Variants in DEAF1 observed in about 807,000 individuals in gnomAD.
DEAF1 encodes the protein DEAF1 transcription factor.
In DEAF1, 53 loss-of-function variants were observed where a neutral mutation model predicts 58.9. The ratio of observed to expected loss-of-function variants is 0.90; its 90% CI spans 0.72 to 1.13. DEAF1 has a LOEUF of 1.13. Ranked by LOEUF, DEAF1 falls within the 50% of genes most tolerant of loss-of-function variation. The pLI is 0.00. For synonymous variants in DEAF1, 385 were observed against 340.4 expected (o/e 1.13, Z -1.44); for missense variants, 685 against 791.4 (o/e 0.87, Z 1.61).
At chr11:702,602 G>A (rs948169730) in intron 1 of DEAF1, among the ~76,000 whole-genome samples, 2 of 152,252 alleles carry the variant, frequency 1.3e-5, no homozygotes, top group Non-Finnish European at 2.9e-5. Context: ...AATCCCTTCA[G>A]TTCCACTTGG....
At chr11:680,181 G>A in intron 7 of DEAF1, 1 of 331,162 alleles carries the variant, frequency 3.0e-6, no homozygotes, top group South Asian at 2.6e-5. Context: ...GTAAAAAGCA[G>A]CCGTGTCCCA....
intron 10 of DEAF1, among the ~76,000 whole-genome samples, chr11:663,529 G>A (rs1859403904): frequency 6.6e-6 from 1 of 152,098 alleles, no homozygotes; most frequent in African/African-American, 2.4e-5. Flanking sequence ...CCTCTGGTGT[G>A]AATACCAGGC....
At chr11:662,763 C>A (rs987741009) in intron 10 of DEAF1, among the ~76,000 whole-genome samples, 1 of 152,210 alleles carries the variant, frequency 6.6e-6, no homozygotes, top group South Asian at 2.1e-4. Context: ...CATGATGGCA[C>A]CACAATGGTC....
chr11:684,888 G>A lies in DEAF1; in HGVS notation c.870+10C>T. ...CAAGTCATCCTGTTCCAGACACGCT[G>A]GCCACTTACTAAGGTCATGTCGTCG... is the stretch of plus-strand genomic sequence containing the variant. On this transcript the variant is annotated intron_variant, in intron 6 of 11. Coordinates refer to ENST00000382409, the MANE Select transcript of DEAF1 (RefSeq NM_021008.4). 6.4e-7 allele frequency: 1 copy of A among 1,551,286 alleles called. No homozygotes were observed. Among genetic ancestry groups the A allele is most frequent in the Non-Finnish European group, 8.7e-7 (1 of 1,146,794 alleles).
rs990462670 is a variant in DEAF1, at chr11:680,974, G to A, written c.986C>T (p.Ala329Val). The change falls in exon 7 of 12, where the codon GCG becomes GTG. Residue 329 changes from alanine to valine, a missense_variant. Physicochemically the swap from Ala to Val is moderately conservative, Grantham distance 64. Around this residue, in one of 3 missense-constraint regions of DEAF1, gnomAD observed 343 missense variants for 379.8 expected, o/e 0.90. Transcript: ENST00000382409. ...TTTCTCAAACTCACAGGTGGTAGCCGCGGTGGCTGGAAGCAATGTGATGTT... is the reference window on the plus strand; with the variant it reads ...TTTCTCAAACTCACAGGTGGTAGCCACGGTGGCTGGAAGCAATGTGATGTT... Reference protein sequence around the residue: ...PKNITLLPATAATTFTVTPSG... With the variant: ...PKNITLLPATVATTFTVTPSG... 1.2e-5 allele frequency: 19 copies of A among 1,614,030 alleles called. No individual in the cohort carries two copies. The highest frequency in any genetic ancestry group is 2.2e-5 in the South Asian group (2 of 91,078).
intron 10 of DEAF1, among the ~76,000 whole-genome samples, chr11:670,419 T>TA (rs1302923025): frequency 1.8e-5 from 2 of 110,066 alleles, no homozygotes; most frequent in Non-Finnish European, 3.8e-5. Flanking sequence ...TTTTTTTTTT[T>TA]AAAGTATTTT....
At chr11:665,495 G>C (rs1859486230) in intron 10 of DEAF1, among the ~76,000 whole-genome samples, 1 of 152,250 alleles carries the variant, frequency 6.6e-6, no homozygotes, top group Admixed American at 6.5e-5. Flanking sequence ...TGCAACAGCT[G>C]CTTCCAGCTG....
intron 6 of DEAF1, among the ~76,000 whole-genome samples, chr11:684,267 A>C (rs1257382441): frequency 1.3e-5 from 2 of 152,248 alleles, no homozygotes; most frequent in South Asian, 2.1e-4. Flanking sequence ...AAAATACAAA[A>C]ATTAGCTGGG....
rs79050882 is a variant in DEAF1 at position 656,174 on chromosome 11, G to A, written c.1504-2123C>T. 1.1e-3 allele frequency among the ~76,000 whole-genome samples: 114 copies of A among 103,928 alleles called. 1 individual carries two copies. Among genetic ancestry groups the A allele is most frequent in the South Asian group, 8.2e-4 (3 of 3,672 alleles). 68.2% of individuals were successfully genotyped at this position (103,928 alleles called of 152,430 possible). A position where few individuals can be genotyped will look rare whatever the true frequency, so the allele number is the denominator to read the frequency against. On this transcript the variant is annotated intron_variant, in intron 10 of 11. Transcript: ENST00000382409. ...AATGACAAACTTTTTTTTTTTTTTT[G>A]AGATGGAGTCTCGCTCTGTCGCCCA...
intron 10 of DEAF1, among the ~76,000 whole-genome samples, chr11:654,298 C>A (rs1342730458): frequency 6.7e-6 from 1 of 150,204 alleles, no homozygotes; most frequent in African/African-American, 2.5e-5. Context: ...CCTCCTGAGT[C>A]TGGGATGATA....
chr11:691,820 C>T (rs187400108), intron 1 of DEAF1, among the ~76,000 whole-genome samples: 1 of 152,310 alleles, frequency 6.6e-6, no homozygotes, highest in Admixed American at 6.5e-5. Flanking sequence ...TATTCTTCCC[C>T]AGTAAAGCCT....
In DEAF1 at chr11:645,199, T is replaced by A. The variant is rs959932201; in HGVS notation, c.1594-545A>T. Among the ~76,000 whole-genome samples, 6 of 146,498 alleles carry A rather than the reference T, an allele frequency of 4.1e-5. No homozygotes were observed. In the South Asian group the frequency reaches 1.1e-3, roughly 27 times the overall value. ...AAAAAAGTCAAACAACAAACCAGGGTAAGACTCTCCAAACCAGTTGTTTTG... is the reference window on the plus strand; with the variant it reads ...AAAAAAGTCAAACAACAAACCAGGGAAAGACTCTCCAAACCAGTTGTTTTG... On this transcript the variant is annotated intron_variant, in intron 11 of 11. Transcript: ENST00000382409.
Position 644,251 on chromosome 11 carries a change from T to C in DEAF1, c.*299A>G, listed in dbSNP as rs1264702501. 5 of 493,872 alleles carry C rather than the reference T, an allele frequency of 1.0e-5. No homozygotes were observed. Among genetic ancestry groups the C allele is most frequent in the African/African-American group, 3.9e-5 (2 of 51,388 alleles). The allele number at this position is 493,872 out of a possible 1,614,324, so 30.6% of individuals were successfully genotyped here. On this transcript the variant is annotated 3_prime_UTR_variant, in exon 12 of 12. Coordinates refer to ENST00000382409, the MANE Select transcript of DEAF1 (RefSeq NM_021008.4). The surrounding 1 kb of genome is among the most constrained non-coding windows in gnomAD (Gnocchi z 4.3). ...GCAGGGAGACCTTATTTACACTTTA[T>C]TGACAGACACAACACGTATGTATGT... is the stretch of plus-strand genomic sequence containing the variant.
chr11:687,877 A>C (rs760463371), intron 4 of DEAF1, 34 bp downstream of exon 4: 1 of 1,613,666 alleles, frequency 6.2e-7, no homozygotes, highest in African/African-American at 1.3e-5. Flanking sequence ...ACAAAGGGGA[A>C]TACAACTTTG....
At chr11:707,061 C>T (rs1187517897) in exon 1 of DEAF1, among the ~76,000 whole-genome samples, 20 of 152,090 alleles carry the variant, frequency 1.3e-4, no homozygotes, top group African/African-American at 4.8e-4. Context: ...CCACCCCGTG[C>T]TCAGTCCTGG....
intron 1 of DEAF1, among the ~76,000 whole-genome samples, chr11:701,717 G>A (rs1282099774): frequency 2.0e-5 from 3 of 152,080 alleles, no homozygotes; most frequent in Admixed American, 1.3e-4. Flanking sequence ...CCGGAGACAG[G>A]GTTTCGCTAT....
At chr11:693,966 C>T (rs1184172855) in intron 1 of DEAF1, among the ~76,000 whole-genome samples, 1 of 151,898 alleles carries the variant, frequency 6.6e-6, no homozygotes, top group Admixed American at 6.6e-5. Flanking sequence ...GCTCCGCAGC[C>T]CCCCTGGGCC....
At chr11:679,090 A>G (rs1349254286) in intron 8 of DEAF1, among the ~76,000 whole-genome samples, 1 of 152,162 alleles carries the variant, frequency 6.6e-6, no homozygotes, top group East Asian at 1.9e-4. Context: ...AGATGGGCGC[A>G]TCACGAGGTC....
In DEAF1 at chr11:694,817, G is replaced by A. The variant is rs371538775; in HGVS notation, c.231C>T (p.Asp77=). ...GGCCGGGCAGGGCCTCGGCGCCCATGTCCATGTGCCCGGGCTCCGCCGCCA... is the reference window on the plus strand; with the variant it reads ...GGCCGGGCAGGGCCTCGGCGCCCATATCCATGTGCCCGGGCTCCGCCGCCA... ...AVMAAEPGHM[D]MGAEALPGPD... Residue 77 remains aspartate (D), a synonymous_variant, in exon 1 of 12, where the codon GAC becomes GAT. Transcript: ENST00000382409. The A allele has an allele frequency of 2.0e-4, 292 of 1,441,336 alleles. 2 individuals are homozygous for A. In the African/African-American group the frequency reaches 3.9e-3, roughly 19 times the overall value. 89.3% of individuals were successfully genotyped at this position (1,441,336 alleles called of 1,614,324 possible).
Sources: gnomAD v4.1 joint callset for allele counts (sites outside exome capture counted in the v4.1 genomes callset) on GRCh38, gnomAD v4.1.1 for gene constraint, gnomAD v4.1.1 regional missense constraint, Gnocchi (gnomAD v3.1) non-coding constraint, MANE v1.5 for transcripts, NCBI Gene and HGNC (gene_info 2026-07-23, HGNC 2026-07-21) for gene names.